CDH13: variants seen among roughly 807,000 people sequenced by gnomAD.
CDH13 encodes the protein cadherin-13.
In CDH13, 24 loss-of-function variants were observed where a neutral mutation model predicts 63.8. The ratio of observed to expected loss-of-function variants is 0.38; its 90% CI spans 0.27 to 0.53. The LOEUF (loss-of-function observed/expected upper bound fraction) is 0.53, where lower values mean the gene tolerates loss of function less well. CDH13 is among the 20% of genes least tolerant of loss of function. The pLI, the probability that CDH13 is intolerant of heterozygous loss-of-function variation, is 0.85. For missense variants in CDH13, 1,049 were observed against 903.1 expected, an observed-to-expected ratio of 1.16 and a Z score of -2.07; for synonymous variants, 503 against 355.3, an observed-to-expected ratio of 1.42 and a Z score of -4.67.
intron 2 of CDH13, among the ~76,000 whole-genome samples, chr16:82,957,590 T>C (rs1906310689): frequency 6.6e-6 from 1 of 152,186 alleles, no homozygotes; most frequent in Admixed American, 6.5e-5. Context: ...CCACCCTCTG[T>C]GCTGAACAAA....
chr16:82,828,068 G>A (rs1380318812), intron 1 of CDH13, among the ~76,000 whole-genome samples: 1 of 152,152 alleles, frequency 6.6e-6, no homozygotes, highest in Non-Finnish European at 1.5e-5. Flanking sequence ...AGGTTAGAGA[G>A]GAAGCACTTT....
At chr16:83,081,223 T>G (rs1197392451) in intron 3 of CDH13, among the ~76,000 whole-genome samples, 1 of 152,052 alleles carries the variant, frequency 6.6e-6, no homozygotes, top group Admixed American at 6.5e-5. Flanking sequence ...TTCAAATCAG[T>G]CTAGCCATTG....
At chr16:83,341,989 C>CCACACACACACACACACACACACA in intron 5 of CDH13, among the ~76,000 whole-genome samples, 1 of 138,152 alleles carries the variant, frequency 7.2e-6, no homozygotes, top group South Asian at 2.4e-4. Flanking sequence ...GTGTCCCCTG[C>CCACACACACACACACACACACACA]CACACACACA....
intron 7 of CDH13, among the ~76,000 whole-genome samples, chr16:83,499,173 T>C (rs538538396): frequency 1.4e-4 from 21 of 152,364 alleles, no homozygotes; most frequent in African/African-American, 4.6e-4. Flanking sequence ...ATTCCTACAC[T>C]GGTATTCTAT....
intron 7 of CDH13, among the ~76,000 whole-genome samples, chr16:83,591,140 A>T (rs891735807): frequency 2.0e-5 from 3 of 151,716 alleles, no homozygotes; most frequent in Non-Finnish European, 4.4e-5. Flanking sequence ...TGAACTCCTG[A>T]CTTCATGATC....
intron 5 of CDH13, among the ~76,000 whole-genome samples, chr16:83,270,357 G>C (rs1414976064): frequency 6.6e-6 from 1 of 152,168 alleles, no homozygotes; most frequent in Admixed American, 6.5e-5. Context: ...GGATGTGGCT[G>C]TGTTTCACTG....
chr16:83,435,389 TC>T (rs1327283442), intron 6 of CDH13, among the ~76,000 whole-genome samples: 1 of 152,100 alleles, frequency 6.6e-6, no homozygotes, highest in Non-Finnish European at 1.5e-5. Context: ...TGATCTTTTT[TC>T]CAAACACTGC....
chr16:82,808,340 T>C (rs939077619), intron 1 of CDH13, among the ~76,000 whole-genome samples: 31 of 152,198 alleles, frequency 2.0e-4, no homozygotes, highest in African/African-American at 6.3e-4. Flanking sequence ...CAGCCTTTGA[T>C]ACCTCTCTGT....
chr16:83,574,200 C>A (rs1311809007), intron 7 of CDH13, among the ~76,000 whole-genome samples: 1 of 152,160 alleles, frequency 6.6e-6, no homozygotes, highest in East Asian at 1.9e-4. Context: ...TGTCATTATG[C>A]TGATGTTGCT....
chr16:83,766,788 C>A (rs544687013), intron 11 of CDH13, among the ~76,000 whole-genome samples: 1 of 152,106 alleles, frequency 6.6e-6, no homozygotes, highest in Admixed American at 6.5e-5. Flanking sequence ...AGGGCAGGAC[C>A]AGGTGGAGGT....
intron 3 of CDH13, among the ~76,000 whole-genome samples, chr16:83,050,999 C>A (rs1243050518): frequency 6.6e-6 from 1 of 152,188 alleles, no homozygotes; most frequent in Non-Finnish European, 1.5e-5. Flanking sequence ...GTGGTCACAA[C>A]TGGTTTGAAC....
intron 1 of CDH13, among the ~76,000 whole-genome samples, chr16:82,747,964 C>T (rs755994611): frequency 1.3e-5 from 2 of 152,162 alleles, no homozygotes; most frequent in Non-Finnish European, 2.9e-5. Context: ...GTTGATAATA[C>T]CTGGAAAAGC....
At chr16:83,515,222 A>G (rs564824748) in intron 7 of CDH13, among the ~76,000 whole-genome samples, 1 of 152,222 alleles carries the variant, frequency 6.6e-6, no homozygotes, top group Admixed American at 6.5e-5. Flanking sequence ...GTGGGATTGG[A>G]TTCCTTTTAA....
chr16:83,345,079 G>T (rs2090810601), intron 6 of CDH13, 73 bp downstream of exon 6: 5 of 1,544,336 alleles, frequency 3.2e-6, no homozygotes, highest in Non-Finnish European at 4.4e-6. Context: ...GGATTCTAGG[G>T]ACTGTCTTAT....
intron 6 of CDH13, among the ~76,000 whole-genome samples, chr16:83,464,283 T>C (rs1432401642): frequency 5.9e-5 from 9 of 152,060 alleles, no homozygotes; most frequent in South Asian, 4.2e-4. Flanking sequence ...GAGGCCAAGG[T>C]GGGTGGATCA....
intron 10 of CDH13, among the ~76,000 whole-genome samples, chr16:83,730,204 T>C (rs12925050): frequency 0.2 from 29,832 of 152,142 alleles, 2,962 homozygotes; most frequent in Admixed American, 0.22. Context: ...TGTCGCTAAA[T>C]ATTTCAGCCA....
chr16:83,144,682 TC>T (rs2036672302), intron 4 of CDH13, among the ~76,000 whole-genome samples: 1 of 152,246 alleles, frequency 6.6e-6, no homozygotes. Flanking sequence ...TCTATTTTTT[TC>T]CCTGCTCAGG....
At chr16:82,935,216 A>T (rs2042630489) in intron 2 of CDH13, among the ~76,000 whole-genome samples, 1 of 152,166 alleles carries the variant, frequency 6.6e-6, no homozygotes, top group East Asian at 1.9e-4. Flanking sequence ...CAAGATGGAG[A>T]AGTGCAGAGT....
At chr16:83,540,325 C>T (rs1182871471) in intron 7 of CDH13, among the ~76,000 whole-genome samples, 1 of 152,080 alleles carries the variant, frequency 6.6e-6, no homozygotes, top group African/African-American at 2.4e-5. Context: ...CGTCTGCTGC[C>T]CCGAAGGAGT....
Sources: allele counts gnomAD v4.1 joint callset (sites outside exome capture counted in the v4.1 genomes callset), GRCh38; gene constraint gnomAD v4.1.1; transcripts MANE v1.5; gene names NCBI Gene and HGNC (gene_info 2026-07-23, HGNC 2026-07-21).